The following SRGAP3 variants were observed in gnomAD, a reference collection of about 807,000 sequenced individuals.
The protein encoded by SRGAP3 is SLIT-ROBO Rho GTPase-activating protein 3.
In SRGAP3, 39 loss-of-function variants were observed where a neutral mutation model predicts 121.1. That is an observed-to-expected ratio of 0.32 (90% CI 0.25 to 0.42). The LOEUF (loss-of-function observed/expected upper bound fraction) is 0.42. Ranked by LOEUF, SRGAP3 falls within the 10% of genes least tolerant of loss-of-function variation. The pLI, the probability that SRGAP3 is intolerant of heterozygous loss-of-function variation, is 1.00. For missense variants in SRGAP3, 1,213 were observed against 1,470.6 expected, an observed-to-expected ratio of 0.82 and a Z score of 2.86; for synonymous variants, 601 against 570.0, an observed-to-expected ratio of 1.05 and a Z score of -0.77.
At chr3:9,071,999 CAG>C (rs1406765081) in intron 4 of SRGAP3, among the ~76,000 whole-genome samples, 8 of 152,154 alleles carry the variant, frequency 5.3e-5, no homozygotes, top group Non-Finnish European at 1.0e-4. Flanking sequence ...TGTGATTCAA[CAG>C]AGTGTCATTT....
intron 1 of SRGAP3, among the ~76,000 whole-genome samples, chr3:9,175,534 G>A (rs954937272): frequency 2.0e-5 from 3 of 152,202 alleles, no homozygotes; most frequent in African/African-American, 7.2e-5. Flanking sequence ...CCAGCACGGG[G>A]AGCCCTCAAG....
At chr3:9,287,229 C>T (rs540932167) in intron 3 of SRGAP3, among the ~76,000 whole-genome samples, 2 of 151,952 alleles carry the variant, frequency 1.3e-5, no homozygotes, top group South Asian at 4.2e-4. Flanking sequence ...TTGGCTCAAG[C>T]GATCCTCCCA....
At chr3:9,242,329 A>C (rs1050587455) in intron 1 of SRGAP3, among the ~76,000 whole-genome samples, 2 of 152,192 alleles carry the variant, frequency 1.3e-5, no homozygotes, top group African/African-American at 4.8e-5. Context: ...AAGCCAACTA[A>C]GAAGGATATC....
intron 1 of SRGAP3, among the ~76,000 whole-genome samples, chr3:9,229,337 T>C (rs1250238485): frequency 6.6e-6 from 1 of 152,156 alleles, no homozygotes; most frequent in Non-Finnish European, 1.5e-5. Flanking sequence ...AGCAGTCGTC[T>C]AGCTGGTCCC....
In SRGAP3 at chr3:9,013,532, G is replaced by C. The variant is rs1384306604; in HGVS notation, c.1923C>G (p.Leu641=). ...TCATGTTCTCGTCGCTATACTGGGA[G>C]AGGCTAGGAGAGAGGAGTTACCCAC... ...MRYLFAFLNH[L]SQYSDENMMD... Residue 641 remains leucine, a synonymous_variant, in exon 17 of 22, where the codon CTC becomes CTG. Transcript: ENST00000383836. 1 of 1,614,090 alleles carries C rather than the reference G, an allele frequency of 6.2e-7. No individual in the cohort carries two copies. Among genetic ancestry groups the C allele is most frequent in the African/African-American group, 1.3e-5 (1 of 75,020 alleles).
At chr3:9,070,084 T>A (rs1946630375) in intron 4 of SRGAP3, among the ~76,000 whole-genome samples, 1 of 152,258 alleles carries the variant, frequency 6.6e-6, no homozygotes, top group African/African-American at 2.4e-5. Context: ...ACACTGCCTT[T>A]TGCTTTGCAC....
chr3:9,279,588 A>C lies in SRGAP3; in HGVS notation n.442+46422T>G, dbSNP rs34114221. On this transcript the variant is annotated intron_variant and non_coding_transcript_variant, in intron 3 of 3. Coordinates refer to the SRGAP3 transcript ENST00000490889. ...GAGTGCAGTGGCGCAATCTCGGCTC[A>C]CAGCCACCTCAACCTCCCGGGTTCA... 2.1e-4 allele frequency among the ~76,000 whole-genome samples: 30 copies of C among 142,540 alleles called. No individual in the cohort carries two copies. The Admixed American group carries it at 2.3e-3, about 11-fold the overall frequency. The allele number at this position is 142,540 out of a possible 152,430, so 93.5% of individuals were successfully genotyped here.
rs931241891 is a variant in SRGAP3 at position 8,983,577 on chromosome 3, G to A, written c.*1942C>T. 6.5e-5 allele frequency: 15 copies of A among 231,284 alleles called. 1 individual carries two copies. In the South Asian group the frequency reaches 2.7e-3, roughly 42 times the overall value. 14.3% of individuals were successfully genotyped at this position (231,284 alleles called of 1,614,324 possible). On this transcript the variant is annotated 3_prime_UTR_variant, in exon 22 of 22. Coordinates refer to ENST00000383836, the MANE Select transcript of SRGAP3 (RefSeq NM_014850.4). ...TCCAATGGGCTGAAATGTTAATGAT[G>A]GAATCCAGGGCTCTTATTAGGATGG...
At chr3:9,199,477 T>C (rs1014121407) in intron 1 of SRGAP3, among the ~76,000 whole-genome samples, 1 of 152,222 alleles carries the variant, frequency 6.6e-6, no homozygotes, top group Non-Finnish European at 1.5e-5. Context: ...TGTTTTTTTC[T>C]TTGTTCACTT....
Position 9,262,730 on chromosome 3 carries a change from A to G in SRGAP3, n.442+63280T>C, listed in dbSNP as rs556911737. Among the ~76,000 whole-genome samples, 59 of 152,262 alleles carry G rather than the reference A, an allele frequency of 3.9e-4. No individual in the cohort carries two copies. In the South Asian group the frequency reaches 0.012, roughly 32 times the overall value. On this transcript the variant is annotated intron_variant and non_coding_transcript_variant, in intron 3 of 3. Transcript: ENST00000490889. The stretch of plus-strand genomic sequence containing the variant: ...ACCCAGATTCATAAAGCAAGTTCTT[A>G]GAGACCTACAAAGAGACTTAGACTC...
At chr3:9,255,037 A>G (rs953915526) in intron 3 of SRGAP3, among the ~76,000 whole-genome samples, 6 of 131,330 alleles carry the variant, frequency 4.6e-5, no homozygotes, top group Admixed American at 1.6e-4. Flanking sequence ...AGAAAGGAAG[A>G]AAGAAAGGTA....
intron 1 of SRGAP3, among the ~76,000 whole-genome samples, chr3:9,156,167 A>C (rs1163956980): frequency 6.6e-6 from 1 of 152,158 alleles, no homozygotes; most frequent in Admixed American, 6.5e-5. Flanking sequence ...CAGGCTTTGA[A>C]GTCATTATTA....
chr3:9,228,298 G>A (rs1274039914), intron 1 of SRGAP3, among the ~76,000 whole-genome samples: 3 of 152,208 alleles, frequency 2.0e-5, no homozygotes, highest in Admixed American at 2.0e-4. Flanking sequence ...ACCCAGTGCC[G>A]CCAGATCATG....
Position 9,104,660 on chromosome 3 carries a change from A to T in SRGAP3, c.423+20T>A. 3 of 1,613,926 alleles carry T rather than the reference A, an allele frequency of 1.9e-6. No homozygotes were observed. The highest frequency in any genetic ancestry group is 2.5e-6 in the Non-Finnish European group (3 of 1,179,860). ...CTTGGGGCAAAGACCTGGGACACGT[A>T]GAGCAGCCCACTTGCCTACCTTTTT... On this transcript the variant is annotated intron_variant, in intron 3 of 21. Transcript: ENST00000383836.
chr3:9,176,774 T>C (rs1293991577), intron 1 of SRGAP3, among the ~76,000 whole-genome samples: 10 of 152,114 alleles, frequency 6.6e-5, no homozygotes, highest in Admixed American at 5.9e-4. Context: ...TCTCAAGAAC[T>C]CACTCACTCA....
At chr3:9,101,364 C>A (rs1948207505) in intron 3 of SRGAP3, among the ~76,000 whole-genome samples, 1 of 152,214 alleles carries the variant, frequency 6.6e-6, no homozygotes, top group African/African-American at 2.4e-5. Flanking sequence ...GTGCATCTGG[C>A]TTCAGGGATG....
chr3:9,283,470 T>C (rs1450803576), intron 3 of SRGAP3, among the ~76,000 whole-genome samples: 1 of 152,234 alleles, frequency 6.6e-6, no homozygotes, highest in Non-Finnish European at 1.5e-5. Context: ...TCACATTCAC[T>C]AACATCACCA....
chr3:9,320,724 G>T (rs1955425983), intron 3 of SRGAP3, among the ~76,000 whole-genome samples: 1 of 151,792 alleles, frequency 6.6e-6, no homozygotes, highest in Non-Finnish European at 1.5e-5. Context: ...GTGAGAGACT[G>T]TATCCTAACA....
chr3:9,313,990 C>T (rs1559272754), intron 3 of SRGAP3, among the ~76,000 whole-genome samples: 1 of 152,192 alleles, frequency 6.6e-6, no homozygotes, highest in Non-Finnish European at 1.5e-5. Flanking sequence ...GAGACTCCGT[C>T]TAAAAAGAAA....
Sources: allele counts gnomAD v4.1 joint callset (sites outside exome capture counted in the v4.1 genomes callset), GRCh38; gene constraint gnomAD v4.1.1; transcripts MANE v1.5; gene names NCBI Gene and HGNC (gene_info 2026-07-23, HGNC 2026-07-21).